Variants in OPA1 observed in about 807,000 individuals in gnomAD.
OPA1 encodes the protein dynamin-like GTPase OPA1, mitochondrial.
In OPA1, 59 loss-of-function variants were observed where a neutral mutation model predicts 152.9. That is an observed-to-expected ratio of 0.39 (90% confidence interval 0.31 to 0.48). OPA1 has a LOEUF of 0.48. Ranked by LOEUF, OPA1 falls within the 20% of genes least tolerant of loss-of-function variation. The pLI is 0.96. For synonymous variants in OPA1, 400 were observed against 389.9 expected (o/e 1.03, Z -0.31); for missense variants, 1,008 against 1,216.8 (o/e 0.83, Z 2.55).
At position 193,593,228 on chromosome 3, in the gene OPA1, G is replaced by A; in HGVS notation, c.-150G>A. ...CTGTCAGGCTCTTGCGGAAGTCCAT[G>A]CGCCATTGGGAGGGCCTCGGCCGCG... is the stretch of plus-strand genomic sequence containing the variant. On this transcript the variant is annotated 5_prime_UTR_variant, in exon 1 of 31. An upstream start codon of the reference 5' UTR is lost. Transcript: ENST00000361510. 1 of 638,060 alleles carries A rather than the reference G, an allele frequency of 1.6e-6. No individual in the cohort carries two copies. Among genetic ancestry groups the A allele is most frequent in the East Asian group, 3.1e-5 (1 of 32,116 alleles). The allele number at this position is 638,060 out of a possible 1,614,324, so 39.5% of individuals were successfully genotyped here.
chr3:193,676,568 G>C (rs1001597480), intron 29 of OPA1, among the ~76,000 whole-genome samples: 4 of 152,186 alleles, frequency 2.6e-5, no homozygotes, highest in Non-Finnish European at 5.9e-5. Flanking sequence ...TTTACACACA[G>C]AATTCCACAT....
intron 1 of OPA1, chr3:193,596,694 C>T (rs1271301749): frequency 6.6e-6 from 1 of 152,006 alleles, no homozygotes. Context: ...TTTTGAATAA[C>T]AACAAGGAGT....
intron 5 of OPA1, 80 bp downstream of exon 5, chr3:193,617,917 A>G (rs1302964645): frequency 1.0e-6 from 1 of 980,266 alleles, no homozygotes; most frequent in African/African-American, 1.6e-5. Context: ...AAAATTGCAG[A>G]CCAAATTTAT....
intron 29 of OPA1, among the ~76,000 whole-genome samples, chr3:193,677,547 A>C (rs886944359): frequency 6.6e-6 from 1 of 152,198 alleles, no homozygotes; most frequent in African/African-American, 2.4e-5. Flanking sequence ...AGTATATAAA[A>C]AATAAAATTA....
intron 4 of OPA1, 63 bp from the exon 5 acceptor site, chr3:193,617,721 C>G: frequency 8.1e-7 from 1 of 1,229,942 alleles, no homozygotes. Context: ...TCTCAGACAT[C>G]TTTGTTTGCT....
chr3:193,648,723 T>C, intron 20 of OPA1, 72 bp from the exon 21 acceptor site: 1 of 1,074,068 alleles, frequency 9.3e-7, no homozygotes, highest in East Asian at 2.4e-5. Flanking sequence ...CCTTTGGTTA[T>C]CTCTGAAAAT....
intron 29 of OPA1, among the ~76,000 whole-genome samples, chr3:193,677,430 A>G (rs1577373153): frequency 1.3e-5 from 2 of 151,540 alleles, no homozygotes; most frequent in Admixed American, 1.3e-4. Context: ...AATAAACTTT[A>G]TCTTAAGCGT....
chr3:193,607,840 A>G (rs1324303013), intron 1 of OPA1, among the ~76,000 whole-genome samples: 1 of 152,138 alleles, frequency 6.6e-6, no homozygotes, highest in Non-Finnish European at 1.5e-5. Context: ...GAATCTATAA[A>G]TTACCCTGGG....
At chr3:193,594,630 C>T (rs1382106958) in intron 1 of OPA1, among the ~76,000 whole-genome samples, 1 of 152,194 alleles carries the variant, frequency 6.6e-6, no homozygotes, top group African/African-American at 2.4e-5. Flanking sequence ...TCATGTGATC[C>T]ACCCTCCTCG....
At chr3:193,651,775 G>A (rs897150945) in intron 21 of OPA1, among the ~76,000 whole-genome samples, 20 of 152,006 alleles carry the variant, frequency 1.3e-4, no homozygotes, top group South Asian at 2.1e-4. Context: ...AAATAGTTAC[G>A]TAGACATAAT....
intron 23 of OPA1, 128 bp downstream of exon 23, chr3:193,657,360 AGATTTAT>A: frequency 5.4e-6 from 5 of 925,922 alleles, no homozygotes; most frequent in Non-Finnish European, 8.4e-6. Flanking sequence ...GTAAAGAAAC[AGATTTAT>A]GATCTGTAAT....
chr3:193,647,667 TG>T (rs555044104), intron 19 of OPA1, among the ~76,000 whole-genome samples: 37 of 152,326 alleles, frequency 2.4e-4, no homozygotes, highest in Admixed American at 3.9e-4. Context: ...TCTGCAATCT[TG>T]TATTACTTTC....
intron 29 of OPA1, 141 bp from the exon 30 acceptor site, chr3:193,691,922 G>C: frequency 1.7e-6 from 1 of 598,238 alleles, no homozygotes; most frequent in Non-Finnish European, 3.0e-6. Context: ...GACTTTATTT[G>C]GGTAAAAGGT....
chr3:193,615,888 T>G (rs568591935), intron 3 of OPA1, 118 bp downstream of exon 3: 2 of 714,784 alleles, frequency 2.8e-6, no homozygotes, highest in African/African-American at 3.6e-5. Context: ...TTTAATGATA[T>G]AAGTAATAGA....
At chr3:193,686,126 C>T (rs1337339482) in intron 29 of OPA1, among the ~76,000 whole-genome samples, 1 of 152,168 alleles carries the variant, frequency 6.6e-6, no homozygotes, top group Admixed American at 6.5e-5. Context: ...TACAACAGTG[C>T]AGTTACATTC....
chr3:193,658,246 CAAAA>C (rs10544016), intron 23 of OPA1, among the ~76,000 whole-genome samples: 4 of 96,544 alleles, frequency 4.1e-5, no homozygotes, highest in Admixed American at 2.4e-4. Flanking sequence ...ACTCCGTTTT[CAAAA>C]AAAAAAAAAA....
At chr3:193,649,011 C>A in intron 21 of OPA1, 140 bp downstream of exon 21, 1 of 605,070 alleles carries the variant, frequency 1.7e-6, no homozygotes, top group Non-Finnish European at 3.0e-6. Context: ...ATTTTTTTGG[C>A]AATATCTAAC....
intron 16 of OPA1, 133 bp downstream of exon 16, chr3:193,644,238 A>G (rs1734201430): frequency 9.4e-7 from 1 of 1,068,930 alleles, no homozygotes. Context: ...CAATGAAAGG[A>G]TAAAGCAAAA....
intron 1 of OPA1, among the ~76,000 whole-genome samples, chr3:193,597,401 G>A (rs894764922): frequency 2.0e-5 from 3 of 152,052 alleles, no homozygotes; most frequent in South Asian, 2.1e-4. Flanking sequence ...TGATAGAAAC[G>A]GAAATCAGGC....
Sources: gnomAD v4.1 joint callset for allele counts (sites outside exome capture counted in the v4.1 genomes callset) on GRCh38, gnomAD v4.1.1 for gene constraint, MANE v1.5 for transcripts, NCBI Gene and HGNC (gene_info 2026-07-23, HGNC 2026-07-21) for gene names.